GPAA1: variants seen among roughly 807,000 people sequenced by gnomAD.
GPAA1 encodes the protein GPI-anchor transamidase component GPAA1.
A neutral mutation model predicts 64.0 loss-of-function variants in GPAA1; 54 were observed. The observed-to-expected ratio is 0.84, with a 90% confidence interval of 0.68 to 1.06. The LOEUF (loss-of-function observed/expected upper bound fraction) is 1.06, where lower values mean the gene tolerates loss of function less well. Among genes scored for constraint, GPAA1 ranks in the 50% least tolerant of loss-of-function variants. The pLI is 0.00. For synonymous variants in GPAA1, 393 were observed against 377.3 expected, an observed-to-expected ratio of 1.04 and a Z score of -0.48; for missense variants, 780 against 822.3, an observed-to-expected ratio of 0.95 and a Z score of 0.63.
intron 3 of GPAA1, 90 bp downstream of exon 3, chr8:144,083,590 G>A: frequency 7.0e-7 from 1 of 1,423,814 alleles, no homozygotes; most frequent in African/African-American, 1.4e-5. Context: ...GTGTCATGGG[G>A]CCAGGAAGCT....
In GPAA1 at chr8:144,083,796, G is replaced by A. The variant is rs1026799093; in HGVS notation, c.449G>A (p.Cys150Tyr). ...GAGTCGCTTGTGCTCACCGTGCCCT[G>A]TGGCTCTGACTCTACCAACAGCCAG... ...STESLVLTVPCGSDSTNSQAV... is the reference protein window; with the variant it reads ...STESLVLTVPYGSDSTNSQAV... Residue 150 changes from cysteine to tyrosine, a missense_variant, in exon 4 of 12, where the codon TGT (cysteine) becomes TAT (tyrosine). Physicochemically the swap from Cys to Tyr is radical, Grantham distance 194. Coordinates refer to ENST00000355091, the MANE Select transcript of GPAA1 (RefSeq NM_003801.4). The A allele has an allele frequency of 3.1e-6, 5 of 1,609,212 alleles. No homozygotes were observed. Among genetic ancestry groups the A allele is most frequent in the African/African-American group, 1.3e-5 (1 of 75,066 alleles).
At position 144,085,034 on chromosome 8, in the gene GPAA1, T is replaced by C. The variant is rs556690033; in HGVS notation, c.1165-9T>C. 88 of 1,601,656 alleles carry C rather than the reference T, an allele frequency of 5.5e-5. No individual in the cohort carries two copies. The South Asian group carries it at 8.8e-4, about 16-fold the overall frequency. ...TTACACCTCTTGTTGGGGTCCTTGA[T>C]TGGGCTACGCTCTGGAACTGTGGAT... is the stretch of plus-strand genomic sequence containing the variant. On this transcript the variant is annotated splice_polypyrimidine_tract_variant and intron_variant, in intron 8 of 11. Coordinates refer to ENST00000355091, the MANE Select transcript of GPAA1 (RefSeq NM_003801.4).
Position 144,085,952 on chromosome 8 carries a change from C to T in GPAA1, c.1693C>T (p.Arg565Trp), listed in dbSNP as rs782355767. The T allele has an allele frequency of 1.1e-5, 18 of 1,607,402 alleles. 1 individual carries two copies. Among genetic ancestry groups the T allele is most frequent in the South Asian group, 3.3e-5 (3 of 91,064 alleles). ...GCTCCTTGGCAGCCTGTTCCTGTGG[C>T]GGGAGCTGCAGGAGGCGCCACTGTC... Reference protein sequence around the residue: ...ATLLGSLFLWRELQEAPLSLA... With the variant: ...ATLLGSLFLWWELQEAPLSLA... The change falls in exon 12 of 12, where the codon CGG becomes TGG. Residue 565 changes from arginine to tryptophan, a missense_variant. Physicochemically the swap from Arg to Trp is moderately radical, Grantham distance 101. Coordinates refer to ENST00000355091, the MANE Select transcript of GPAA1 (RefSeq NM_003801.4).
At chr8:144,083,911 C>G in intron 4 of GPAA1, 28 bp from the exon 5 acceptor site, 1 of 1,612,742 alleles carries the variant, frequency 6.2e-7, no homozygotes, top group Non-Finnish European at 8.5e-7. Flanking sequence ...GTGCCCCAGA[C>G]CCTGCTGATC....
chr8:144,085,457 G>T lies in GPAA1; in HGVS notation c.1429G>T (p.Ala477Ser), dbSNP rs561318989. ...TLLAIYAAGLALPHNTHRVVS... is the reference protein window; with the variant it reads ...TLLAIYAAGLSLPHNTHRVVS... Reference sequence around the variant, plus strand: ...GCTGGCGATTTATGCAGCTGGCCTGGCCCTGCCCCACAATACCCACCGGTA... The same window carrying T: ...GCTGGCGATTTATGCAGCTGGCCTGTCCCTGCCCCACAATACCCACCGGTA... Residue 477 changes from alanine (A) to serine (S), a missense_variant, in exon 10 of 12, where the codon GCC becomes TCC. Ala to Ser is a moderately conservative substitution (Grantham distance 99). Coordinates refer to ENST00000355091, the MANE Select transcript of GPAA1 (RefSeq NM_003801.4). The T allele has an allele frequency of 1.9e-6, 3 of 1,603,788 alleles. No individual in the cohort carries two copies. Among genetic ancestry groups the T allele is most frequent in the East Asian group, 4.5e-5 (2 of 44,878 alleles).
chr8:144,084,050 C>T lies in GPAA1; in HGVS notation c.616+10C>T. 1 of 1,609,412 alleles carries T rather than the reference C, an allele frequency of 6.2e-7. No homozygotes were observed. The highest frequency in any genetic ancestry group is 8.5e-7 in the Non-Finnish European group (1 of 1,175,776). On this transcript the variant is annotated intron_variant, in intron 5 of 11. Transcript: ENST00000355091. The stretch of plus-strand genomic sequence containing the variant: ...GATGTCAATGTCACTGGTAGGTTCT[C>T]TTGTCCTGCCTGCCCTGGTCCCCCT...
chr8:144,085,770 C>CCAA (rs1554764294), intron 11 of GPAA1, 27 bp downstream of exon 11: 1 of 1,609,218 alleles, frequency 6.2e-7, no homozygotes, highest in South Asian at 1.1e-5. Context: ...CCCACTTCCC[C>CCAA]CAATGCCTGT....
At position 144,084,257 on chromosome 8, in the gene GPAA1, C is replaced by T. The variant is rs782428839; in HGVS notation, c.740C>T (p.Pro247Leu). 3.1e-6 allele frequency: 5 copies of T among 1,613,842 alleles called. No homozygotes were observed. Among genetic ancestry groups the T allele is most frequent in the Non-Finnish European group, 3.4e-6 (4 of 1,180,032 alleles). Residue 247 changes from proline to leucine, a missense_variant, in exon 6 of 12, where the codon CCC becomes CTC. Pro to Leu is a moderately conservative substitution (Grantham distance 98). Coordinates refer to ENST00000355091, the MANE Select transcript of GPAA1 (RefSeq NM_003801.4). ...VAVEGLNGQL[P>L]NLDLLNLFQT... Reference sequence around the variant, plus strand: ...GTGGAGGGGCTTAACGGGCAGCTGCCCAACCTTGACCTGCTCAATCTCTTC... The same window carrying T: ...GTGGAGGGGCTTAACGGGCAGCTGCTCAACCTTGACCTGCTCAATCTCTTC...
Position 144,083,449 on chromosome 8 carries a change from G to A in GPAA1, c.315G>A (p.Thr105=). 1 of 1,613,888 alleles carries A rather than the reference G, an allele frequency of 6.2e-7. No homozygotes were observed. The highest frequency in any genetic ancestry group is 2.2e-5 in the East Asian group (1 of 44,876). The change falls in exon 3 of 12, where the codon ACG becomes ACA. Residue 105 remains threonine, a synonymous_variant. Coordinates refer to ENST00000355091, the MANE Select transcript of GPAA1 (RefSeq NM_003801.4). ...TMRSVGLEVY[T]QSFSRKLPFP... ...GGTCAGTAGGGCTGGAGGTCTACAC[G>A]CAGAGTTTCTCCCGGAAACTGCCCT...
intron 3 of GPAA1, 49 bp from the exon 4 acceptor site, chr8:144,083,665 C>T (rs370227600): frequency 6.4e-7 from 1 of 1,563,050 alleles, no homozygotes; most frequent in South Asian, 1.2e-5. Context: ...CCCTTCAGCC[C>T]CCTACCACAA....
Position 144,085,297 on chromosome 8 carries a change from G to A in GPAA1, c.1269G>A (p.Gly423=). The A allele has an allele frequency of 7.5e-6, 12 of 1,602,756 alleles. No homozygotes were observed. Among genetic ancestry groups the A allele is most frequent in the Non-Finnish European group, 1.0e-5 (12 of 1,174,330 alleles). ...GCCTGTGTGCCCTGCAGGGTGTGGG[G>A]CTGGCCTCGCTCGTGGCACCTCTGC... ...SVPLPPSQGV[G]LASLVAPLLI... The change falls in exon 10 of 12, where the codon GGG becomes GGA. Residue 423 remains glycine, a synonymous_variant. Coordinates refer to ENST00000355091, the MANE Select transcript of GPAA1 (RefSeq NM_003801.4).
intron 1 of GPAA1, 76 bp from the exon 2 acceptor site, chr8:144,083,048 G>A: frequency 1.5e-6 from 2 of 1,353,546 alleles, no homozygotes; most frequent in Non-Finnish European, 2.1e-6. Context: ...ATCGACCCCG[G>A]GTGCGGAGGT....
rs1554763678 is a variant in GPAA1, at chr8:144,082,816, G to T, written c.74+12G>T. The T allele has an allele frequency of 7.1e-7, 1 of 1,411,180 alleles. No homozygotes were observed. Among genetic ancestry groups the T allele is most frequent in the Non-Finnish European group, 9.2e-7 (1 of 1,089,064 alleles). The allele number at this position is 1,411,180 out of a possible 1,614,324, so 87.4% of individuals were successfully genotyped here. A position where few individuals can be genotyped will look rare whatever the true frequency, so the allele number is the denominator to read the frequency against. ...AACGCGCCGTTGTGGTGAGGACAGGGCCCGGGGAGGCGGGGACCCGAGGGC... is the reference window on the plus strand; with the variant it reads ...AACGCGCCGTTGTGGTGAGGACAGGTCCCGGGGAGGCGGGGACCCGAGGGC... On this transcript the variant is annotated intron_variant, in intron 1 of 11. Transcript: ENST00000355091.
At position 144,082,795 on chromosome 8, in the gene GPAA1, C is replaced by T; in HGVS notation, c.65C>T (p.Ala22Val). The change falls in exon 1 of 12, where the codon GCG (alanine) becomes GTG (valine). Residue 22 changes from alanine to valine, a missense_variant. Ala to Val is a moderately conservative substitution (Grantham distance 64). Transcript: ENST00000355091. Reference protein sequence around the residue: ...ALARLVLRLNAPLCVLSYVAG... With the variant: ...ALARLVLRLNVPLCVLSYVAG... ...GCCCGCCTAGTGCTGCGCCTCAACG[C>T]GCCGTTGTGGTGAGGACAGGGCCCG... 1 of 1,465,046 alleles carries T rather than the reference C, an allele frequency of 6.8e-7. No individual in the cohort carries two copies. The highest frequency in any genetic ancestry group is 1.3e-5 in the South Asian group (1 of 75,756). 90.8% of individuals were successfully genotyped at this position (1,465,046 alleles called of 1,614,324 possible). A position where few individuals can be genotyped will look rare whatever the true frequency, so the allele number is the denominator to read the frequency against.
In GPAA1 at chr8:144,085,750, A is replaced by G. The variant is rs1554764287; in HGVS notation, c.1622+7A>G. ...CCAAGCCTCATGGGCCCCGGTATGT[A>G]TGGATCAGCCCCACTTCCCCCAATG... is the stretch of plus-strand genomic sequence containing the variant. On this transcript the variant is annotated splice_region_variant and intron_variant, in intron 11 of 11. Coordinates refer to ENST00000355091, the MANE Select transcript of GPAA1 (RefSeq NM_003801.4). 4.3e-6 allele frequency: 7 copies of G among 1,611,418 alleles called. No homozygotes were observed. Among genetic ancestry groups the G allele is most frequent in the South Asian group, 2.2e-5 (2 of 91,076 alleles).
At chr8:144,083,643 AGTT>A in intron 3 of GPAA1, 68 bp from the exon 4 acceptor site, 1 of 1,495,198 alleles carries the variant, frequency 6.7e-7, no homozygotes, top group Admixed American at 1.8e-5. Flanking sequence ...GGGCTAGGAA[AGTT>A]GTGGGGGGCC....
chr8:144,085,681 G>A lies in GPAA1; in HGVS notation c.1560G>A (p.Leu520=), dbSNP rs782000352. 6 of 1,613,590 alleles carry A rather than the reference G, an allele frequency of 3.7e-6. No homozygotes were observed. The South Asian group carries it at 4.4e-5, about 12-fold the overall frequency. Residue 520 remains leucine (L), a synonymous_variant, in exon 11 of 12, where the codon CTG becomes CTA. Transcript: ENST00000355091. ...LGCIALTNFS[L]GFLLATTMVP... The stretch of plus-strand genomic sequence containing the variant: ...GCATCGCCCTCACCAACTTCTCACT[G>A]GGCTTCCTGCTGGCCACCACCATGG...
chr8:144,084,266 A>T lies in GPAA1; in HGVS notation c.749A>T (p.Asp250Val). ...CTTAACGGGCAGCTGCCCAACCTTG[A>T]CCTGCTCAATCTCTTCCAGACCTTC... ...EGLNGQLPNL[D>V]LLNLFQTFCQ... Residue 250 changes from aspartate to valine, a missense_variant, in exon 6 of 12, where the codon GAC becomes GTC. Asp to Val is a radical substitution (Grantham distance 152). Transcript: ENST00000355091. 1 of 1,613,718 alleles carries T rather than the reference A, an allele frequency of 6.2e-7. No homozygotes were observed. Among genetic ancestry groups the T allele is most frequent in the Non-Finnish European group, 8.5e-7 (1 of 1,179,998 alleles).
At position 144,084,261 on chromosome 8, in the gene GPAA1, C is replaced by A; in HGVS notation, c.744C>A (p.Asn248Lys). The A allele has an allele frequency of 6.2e-7, 1 of 1,613,860 alleles. No individual in the cohort carries two copies. The highest frequency in any genetic ancestry group is 8.5e-7 in the Non-Finnish European group (1 of 1,180,014). The change falls in exon 6 of 12, where the codon AAC becomes AAA. Residue 248 changes from asparagine (N) to lysine (K), a missense_variant. Physicochemically the swap from Asn to Lys is moderately conservative, Grantham distance 94 (BLOSUM62 0). Transcript: ENST00000355091. The stretch of plus-strand genomic sequence containing the variant: ...AGGGGCTTAACGGGCAGCTGCCCAA[C>A]CTTGACCTGCTCAATCTCTTCCAGA... ...AVEGLNGQLP[N>K]LDLLNLFQTF...
Sources: gnomAD v4.1 joint callset for allele counts on GRCh38, gnomAD v4.1.1 for gene constraint, MANE v1.5 for transcripts, NCBI Gene and HGNC (gene_info 2026-07-23, HGNC 2026-07-21) for gene names.